Variants in TRPC7 observed in about 807,000 individuals in gnomAD.
The protein encoded by TRPC7 is transient receptor potential cation channel subfamily C member 7.
Under a neutral mutation model 90.1 loss-of-function variants are expected in TRPC7, and 42 were observed. The observed-to-expected ratio is 0.47, with a 90% CI of 0.36 to 0.60. The LOEUF (loss-of-function observed/expected upper bound fraction) is 0.60, where lower values mean the gene tolerates loss of function less well. Among genes scored for constraint, TRPC7 ranks in the 20% least tolerant of loss-of-function variants. TRPC7 has a pLI of 0.00. For missense variants in TRPC7, 955 were observed against 1,112.3 expected (o/e 0.86, Z 2.01); for synonymous variants, 451 against 436.3 (o/e 1.03, Z -0.42).
rs201108086 is a variant in TRPC7, at chr5:136,234,987, TA to T, written c.1845-3439del. Among the ~76,000 whole-genome samples the T allele has an allele frequency of 4.0e-4, 60 of 150,392 alleles. No homozygotes were observed. The South Asian group carries it at 7.0e-3, about 17-fold the overall frequency. ...TGAATGGAATTGAAGAGTTAAATGT[TA>T]AAAAAAAAATTCATGGTAAAAACAC... On this transcript the variant is annotated intron_variant, in intron 7 of 11. Transcript: ENST00000513104.
rs373525381 is a variant in TRPC7 at position 136,249,930 on chromosome 5, C to T, written c.1579+1719G>A. On this transcript the variant is annotated intron_variant, in intron 6 of 11. Coordinates refer to ENST00000513104, the MANE Select transcript of TRPC7 (RefSeq NM_020389.3). The stretch of plus-strand genomic sequence containing the variant: ...ATCCAAAGGATTTCCAAGGGCACAG[C>T]GTGAACCGCAAATACAAGAGCAATA... 1.4e-3 allele frequency among the ~76,000 whole-genome samples: 211 copies of T among 152,312 alleles called. 5 individuals carry two copies. The South Asian group carries it at 0.04, about 29-fold the overall frequency.
chr5:136,334,130 T>C (rs1759581021), intron 2 of TRPC7, among the ~76,000 whole-genome samples: 4 of 152,224 alleles, frequency 2.6e-5, no homozygotes, highest in African/African-American at 9.6e-5. Context: ...AATTTTATAC[T>C]GTGAAAACAT....
chr5:136,339,171 ACC>A (rs1007225894), intron 2 of TRPC7, among the ~76,000 whole-genome samples: 3 of 152,226 alleles, frequency 2.0e-5, no homozygotes, highest in Non-Finnish European at 4.4e-5. Flanking sequence ...CTTGCTACTA[ACC>A]TCACAGGCTG....
At chr5:136,230,715 T>C (rs750756570) in intron 8 of TRPC7, among the ~76,000 whole-genome samples, 1 of 152,200 alleles carries the variant, frequency 6.6e-6, no homozygotes, top group African/African-American at 2.4e-5. Flanking sequence ...TTTTGATAAA[T>C]TGCTTCCTGA....
At chr5:136,230,043 T>A (rs1475011821) in intron 8 of TRPC7, among the ~76,000 whole-genome samples, 2 of 152,218 alleles carry the variant, frequency 1.3e-5, no homozygotes, top group African/African-American at 4.8e-5. Context: ...AAAACAGTCT[T>A]TCTCATGCTG....
At chr5:136,273,619 C>T (rs960774159) in intron 4 of TRPC7, among the ~76,000 whole-genome samples, 1 of 152,174 alleles carries the variant, frequency 6.6e-6, no homozygotes, top group Non-Finnish European at 1.5e-5. Context: ...GTATGAGTTA[C>T]TCCTAAGTGG....
intron 8 of TRPC7, among the ~76,000 whole-genome samples, chr5:136,226,990 T>C (rs1004833815): frequency 1.3e-5 from 2 of 152,184 alleles, no homozygotes; most frequent in Admixed American, 6.5e-5. Flanking sequence ...CAGCACAGTA[T>C]ATTTATTAGA....
chr5:136,307,651 G>A (rs1370407418), intron 3 of TRPC7, among the ~76,000 whole-genome samples: 4 of 152,322 alleles, frequency 2.6e-5, no homozygotes, highest in Admixed American at 2.0e-4. Context: ...GACAGTGTCT[G>A]GAGACGTTTT....
Position 136,218,791 on chromosome 5 carries a change from T to C in TRPC7, c.2344-2516A>G, listed in dbSNP as rs974446278. ...ATGAAGACGCAAAGAAGCAAATGCATTGAGTGCTTCCATAGACCAGGATTG... is the reference window on the plus strand; with the variant it reads ...ATGAAGACGCAAAGAAGCAAATGCACTGAGTGCTTCCATAGACCAGGATTG... On this transcript the variant is annotated intron_variant, in intron 10 of 11. Coordinates refer to ENST00000513104, the MANE Select transcript of TRPC7 (RefSeq NM_020389.3). 2.0e-5 allele frequency among the ~76,000 whole-genome samples: 3 copies of C among 152,336 alleles called. 1 individual carries two copies. The highest frequency in any genetic ancestry group is 4.1e-4 in the South Asian group (2 of 4,828).
intron 2 of TRPC7, among the ~76,000 whole-genome samples, chr5:136,347,896 T>C (rs931835144): frequency 1.3e-5 from 2 of 152,192 alleles, no homozygotes; most frequent in Non-Finnish European, 2.9e-5. Context: ...CCTGGGGAGC[T>C]TAAAGACAAA....
chr5:136,264,867 A>C (rs1756973514), intron 5 of TRPC7, among the ~76,000 whole-genome samples: 1 of 152,156 alleles, frequency 6.6e-6, no homozygotes. Flanking sequence ...CTGGGTTTAC[A>C]GGTGTGAGCC....
intron 5 of TRPC7, among the ~76,000 whole-genome samples, chr5:136,264,666 C>T (rs1029962970): frequency 6.6e-6 from 1 of 151,780 alleles, no homozygotes; most frequent in Non-Finnish European, 1.5e-5. Context: ...AATGTCCGCT[C>T]ATCGAAACCT....
intron 3 of TRPC7, among the ~76,000 whole-genome samples, chr5:136,302,283 G>T (rs1182803268): frequency 6.6e-6 from 1 of 152,150 alleles, no homozygotes; most frequent in Non-Finnish European, 1.5e-5. Flanking sequence ...ACCCTTAGCG[G>T]CAAGTCCCAC....
At chr5:136,342,991 G>T (rs1759891476) in intron 2 of TRPC7, among the ~76,000 whole-genome samples, 1 of 152,118 alleles carries the variant, frequency 6.6e-6, no homozygotes, top group Admixed American at 6.6e-5. Context: ...GGTGGATAGA[G>T]ATTAGTGGGG....
intron 3 of TRPC7, among the ~76,000 whole-genome samples, chr5:136,311,485 G>T (rs150335710): frequency 1.5e-3 from 232 of 152,310 alleles, no homozygotes; most frequent in African/African-American, 5.3e-3. Context: ...GAGGCTGGTT[G>T]GGTTGGTTCC....
At chr5:136,302,913 G>GCGTC (rs1758451587) in intron 3 of TRPC7, among the ~76,000 whole-genome samples, 1 of 151,856 alleles carries the variant, frequency 6.6e-6, no homozygotes, top group African/African-American at 2.4e-5. Context: ...CCAACCCCAA[G>GCGTC]CGTCACTGAG....
At chr5:136,292,332 C>CA (rs1265111670) in intron 3 of TRPC7, among the ~76,000 whole-genome samples, 51 of 148,250 alleles carry the variant, frequency 3.4e-4, no homozygotes, top group South Asian at 2.2e-4. Flanking sequence ...AAAAACCCTT[C>CA]AAAAAAATCA....
At chr5:136,285,928 C>G (rs1757698773) in intron 3 of TRPC7, among the ~76,000 whole-genome samples, 1 of 152,166 alleles carries the variant, frequency 6.6e-6, no homozygotes, top group Admixed American at 6.5e-5. Flanking sequence ...TACTCAGTTC[C>G]TCCTGTCCTC....
At chr5:136,297,453 A>G (rs931359105) in intron 3 of TRPC7, among the ~76,000 whole-genome samples, 2 of 152,146 alleles carry the variant, frequency 1.3e-5, no homozygotes, top group Non-Finnish European at 2.9e-5. Context: ...AAATGAATTC[A>G]TTTGTGATAA....
Sources: gnomAD v4.1 joint callset for allele counts (sites outside exome capture counted in the v4.1 genomes callset) on GRCh38, gnomAD v4.1.1 for gene constraint, MANE v1.5 for transcripts, NCBI Gene and HGNC (gene_info 2026-07-23, HGNC 2026-07-21) for gene names.